Variants in ANO4 observed in about 807,000 individuals in gnomAD.
The protein encoded by ANO4 is anoctamin 4.
A neutral mutation model predicts 141.9 loss-of-function variants in ANO4; 69 were observed. The ratio of observed to expected loss-of-function variants is 0.49; its 90% confidence interval spans 0.40 to 0.59. The LOEUF (loss-of-function observed/expected upper bound fraction) is 0.59, where lower values mean the gene tolerates loss of function less well. ANO4 is among the 20% of genes least tolerant of loss of function. The pLI, the probability that ANO4 is intolerant of heterozygous loss-of-function variation, is 0.00. For missense variants in ANO4, 894 were observed against 1,162.2 expected, an observed-to-expected ratio of 0.77 and a Z score of 3.36; for synonymous variants, 350 against 394.3, an observed-to-expected ratio of 0.89 and a Z score of 1.33.
At chr12:100,943,566 G>A (rs899086336) in intron 5 of ANO4, among the ~76,000 whole-genome samples, 1 of 152,166 alleles carries the variant, frequency 6.6e-6, no homozygotes, top group African/African-American at 2.4e-5. Flanking sequence ...TAACACGGAA[G>A]CAGCATTTTT....
At chr12:101,058,489 C>A (rs917018464) in intron 14 of ANO4, among the ~76,000 whole-genome samples, 1 of 152,114 alleles carries the variant, frequency 6.6e-6, no homozygotes, top group African/African-American at 2.4e-5. Context: ...TCTTCCTATC[C>A]ATAAGCATGG....
intron 20 of ANO4, 69 bp from the exon 21 acceptor site, chr12:101,097,779 G>C: frequency 1.2e-6 from 2 of 1,607,018 alleles, no homozygotes; most frequent in South Asian, 2.2e-5. Context: ...ACTTTGTGTA[G>C]ATTATAAACC....
chr12:100,819,199 A>G (rs2035902748), intron 1 of ANO4, among the ~76,000 whole-genome samples: 1 of 151,904 alleles, frequency 6.6e-6, no homozygotes, highest in South Asian at 2.1e-4. Context: ...AAGAATAAAT[A>G]TAGCCAAAAT....
chr12:101,063,067 G>T (rs55825610), intron 14 of ANO4, among the ~76,000 whole-genome samples: 1 of 151,482 alleles, frequency 6.6e-6, no homozygotes, highest in South Asian at 2.1e-4. Context: ...TATGGGAAAA[G>T]ATACTAATCT....
At chr12:101,112,433 G>A (rs1353824573) in intron 24 of ANO4, among the ~76,000 whole-genome samples, 1 of 152,182 alleles carries the variant, frequency 6.6e-6, no homozygotes, top group Admixed American at 6.5e-5. Context: ...AGGGCAAGAA[G>A]TCTTAACATG....
At chr12:100,986,389 A>G (rs890757876) in intron 7 of ANO4, among the ~76,000 whole-genome samples, 10 of 152,060 alleles carry the variant, frequency 6.6e-5, no homozygotes, top group Non-Finnish European at 1.2e-4. Context: ...TTTTTGTCCT[A>G]TTCAGGTCCT....
At chr12:101,118,196 A>G (rs186964339) in intron 25 of ANO4, among the ~76,000 whole-genome samples, 26 of 152,268 alleles carry the variant, frequency 1.7e-4, no homozygotes, top group South Asian at 2.1e-4. Context: ...TAAGTATGAA[A>G]TGCTTCAAAA....
chr12:101,116,301 A>G (rs1434893866), intron 24 of ANO4, among the ~76,000 whole-genome samples: 1 of 152,236 alleles, frequency 6.6e-6, no homozygotes, highest in Non-Finnish European at 1.5e-5. Context: ...TTTTGAGAAT[A>G]TCTATAAATA....
chr12:101,056,915 T>TTTTTTTTTTTTTTTTTTTTTTTTTTTTTG (rs1555290136), intron 14 of ANO4, among the ~76,000 whole-genome samples: 1 of 148,738 alleles, frequency 6.7e-6, no homozygotes, highest in African/African-American at 2.5e-5. Flanking sequence ...GCAGGTTTCT[T>TTTTTTTTTTTTTTTTTTTTTTTTTTTTTG]ACATAGGTAT....
chr12:100,912,404 A>G (rs2041142237), intron 2 of ANO4, among the ~76,000 whole-genome samples: 3 of 92,366 alleles, frequency 3.2e-5, no homozygotes, highest in Non-Finnish European at 4.7e-5. Flanking sequence ...AAAAAAAAAA[A>G]AAAAAGAAAA....
intron 6 of ANO4, among the ~76,000 whole-genome samples, chr12:100,974,573 A>G (rs2044079643): frequency 1.3e-5 from 2 of 152,150 alleles, no homozygotes; most frequent in South Asian, 2.1e-4. Flanking sequence ...CATACTGCAC[A>G]TGCTTTGTAG....
intron 25 of ANO4, among the ~76,000 whole-genome samples, chr12:101,119,183 G>T (rs1183151217): frequency 6.6e-6 from 1 of 152,108 alleles, no homozygotes; most frequent in Non-Finnish European, 1.5e-5. Flanking sequence ...TAGAGGCCAG[G>T]TGCAGTGGCT....
At chr12:100,908,928 T>C (rs1565997329) in intron 2 of ANO4, among the ~76,000 whole-genome samples, 1 of 152,250 alleles carries the variant, frequency 6.6e-6, no homozygotes, top group Non-Finnish European at 1.5e-5. Context: ...GAGGGCCTAC[T>C]ATTTACTAAC....
intron 26 of ANO4, among the ~76,000 whole-genome samples, chr12:101,121,025 A>C (rs747820111): frequency 2.6e-5 from 4 of 152,174 alleles, no homozygotes; most frequent in Non-Finnish European, 5.9e-5. Flanking sequence ...ATTTGGAAAC[A>C]TTTGGAAAAC....
chr12:101,078,149 G>A (rs1450652803), intron 14 of ANO4, among the ~76,000 whole-genome samples: 1 of 152,034 alleles, frequency 6.6e-6, no homozygotes, highest in Non-Finnish European at 1.5e-5. Context: ...TTTTTGACAT[G>A]GCCATTTACA....
intron 1 of ANO4, among the ~76,000 whole-genome samples, chr12:100,796,413 T>G (rs1380905816): frequency 1.3e-5 from 2 of 152,200 alleles, no homozygotes; most frequent in African/African-American, 2.4e-5. Context: ...GGATTTTTCT[T>G]GAAATAGTGG....
intron 9 of ANO4, among the ~76,000 whole-genome samples, chr12:101,025,747 A>G (rs1251609844): frequency 6.6e-6 from 1 of 152,252 alleles, no homozygotes; most frequent in Non-Finnish European, 1.5e-5. Flanking sequence ...AGTAGAATTT[A>G]TCCTGGACTG....
intron 3 of ANO4, among the ~76,000 whole-genome samples, chr12:100,753,590 G>T (rs1258206734): frequency 6.6e-6 from 1 of 152,142 alleles, no homozygotes; most frequent in African/African-American, 2.4e-5. Context: ...CAATATCTGA[G>T]ATGTGCCTGG....
At chr12:100,926,602 T>TTGTGTGTGTGTGTGTGTG (rs3059281) in intron 3 of ANO4, among the ~76,000 whole-genome samples, 184 of 147,502 alleles carry the variant, frequency 1.2e-3, no homozygotes, top group African/African-American at 4.4e-3. Context: ...AAGGGTGTGT[T>TTGTGTGTGTGTGTGTGTG]TGTGTGTGTG....
Sources: allele counts gnomAD v4.1 joint callset (sites outside exome capture counted in the v4.1 genomes callset), GRCh38; gene constraint gnomAD v4.1.1; transcripts MANE v1.5; gene names NCBI Gene and HGNC (gene_info 2026-07-23, HGNC 2026-07-21).